Variants in MDN1 observed in about 807,000 individuals in gnomAD.
MDN1 encodes the protein midasin.
A neutral mutation model predicts 669.2 loss-of-function variants in MDN1; 266 were observed. The observed-to-expected ratio is 0.40, with a 90% CI of 0.36 to 0.44. The LOEUF (loss-of-function observed/expected upper bound fraction) is 0.44. MDN1 is among the 20% of genes least tolerant of loss of function. The pLI is 1.00. For synonymous variants in MDN1, 2,385 were observed against 2,457.1 expected (o/e 0.97, Z 0.87); for missense variants, 5,940 against 6,754.0 (o/e 0.88, Z 4.22).
intron 7 of MDN1, among the ~76,000 whole-genome samples, chr6:89,788,547 A>G (rs1201915709): frequency 6.6e-6 from 1 of 152,226 alleles, no homozygotes; most frequent in Non-Finnish European, 1.5e-5. Flanking sequence ...AATGTGCAGT[A>G]AGAAGCAGCA....
Position 89,648,151 on chromosome 6 carries a change from G to C in MDN1, c.16281-5C>G, listed in dbSNP as rs751404164. On this transcript the variant is annotated splice_polypyrimidine_tract_variant and splice_region_variant and intron_variant, in intron 98 of 101. Transcript: ENST00000369393. ...AGCTTTACAGATTCTCCAAAACTTG[G>C]GGGAGGAAAACCAAATACAACAGGA... is the stretch of plus-strand genomic sequence containing the variant. The C allele has an allele frequency of 3.1e-6, 5 of 1,612,750 alleles. No individual in the cohort carries two copies. The highest frequency in any genetic ancestry group is 4.2e-6 in the Non-Finnish European group (5 of 1,178,792).
chr6:89,654,182 C>T lies in MDN1; in HGVS notation c.15643G>A (p.Gly5215Ser), dbSNP rs1386548365. The stretch of plus-strand genomic sequence containing the variant: ...GACTCACCCAAGGGTGCTGTGGTGC[C>T]CGACTTGATTTCCTCTGGCTTCAGC... The part of the protein sequence containing the change: ...EQLKPEEIKS[G>S]TTAPLGFDEM... The change falls in exon 93 of 102, where the codon GGC becomes AGC. Residue 5215 changes from glycine to serine, a missense_variant. This residue lies in a region of MDN1 where 2,280 missense variants were observed against 2,576.3 expected (regional missense o/e 0.88). Transcript: ENST00000369393. The T allele has an allele frequency of 6.2e-7, 1 of 1,614,056 alleles. No individual in the cohort carries two copies. The highest frequency in any genetic ancestry group is 1.7e-5 in the Admixed American group (1 of 60,002).
chr6:89,697,413 G>A (rs1812839929), intron 59 of MDN1, among the ~76,000 whole-genome samples: 1 of 152,090 alleles, frequency 6.6e-6, no homozygotes, highest in Non-Finnish European at 1.5e-5. Context: ...ATAAGTAGAA[G>A]GGACTGGCAT....
Position 89,745,672 on chromosome 6 carries a change from T to C in MDN1, c.3905-46A>G, listed in dbSNP as rs192780357. Reference sequence around the variant, plus strand: ...AGGAGGAGAGGAATCATCAAGTGTCTACCGGGAACACCAAGGGATATGGAG... The same window carrying C: ...AGGAGGAGAGGAATCATCAAGTGTCCACCGGGAACACCAAGGGATATGGAG... On this transcript the variant is annotated intron_variant, in intron 27 of 101. Transcript: ENST00000369393. 1.6e-4 allele frequency: 247 copies of C among 1,569,492 alleles called. 2 individuals carry two copies. The African/African-American group carries it at 2.7e-3, about 17-fold the overall frequency.
rs1038291856 is a variant in MDN1, at chr6:89,694,518, T to C, written c.9772-335A>G. ...CCTGAACTTGGTTCAAAACTTCAAATAGCAAGGGATACCACATTACCCAAA... is the reference window on the plus strand; with the variant it reads ...CCTGAACTTGGTTCAAAACTTCAAACAGCAAGGGATACCACATTACCCAAA... On this transcript the variant is annotated intron_variant, in intron 61 of 101. Coordinates refer to ENST00000369393, the MANE Select transcript of MDN1 (RefSeq NM_014611.3). 3.3e-5 allele frequency among the ~76,000 whole-genome samples: 5 copies of C among 152,192 alleles called. No individual in the cohort carries two copies. In the East Asian group the frequency reaches 9.6e-4, roughly 29 times the overall value.
chr6:89,699,340 G>A lies in MDN1; in HGVS notation c.8997+261C>T, dbSNP rs969360127. Among the ~76,000 whole-genome samples, 3 of 152,040 alleles carry A rather than the reference G, an allele frequency of 2.0e-5. No homozygotes were observed. The East Asian group carries it at 5.8e-4, about 29-fold the overall frequency. ...TCTCACAATATATTTTTGAGCAATT[G>A]GGAGATTTTAAGCAGCAAATATTTT... On this transcript the variant is annotated intron_variant, in intron 58 of 101. Transcript: ENST00000369393.
Position 89,794,749 on chromosome 6 carries a change from G to C in MDN1, c.382C>G (p.Leu128Val). 6.2e-7 allele frequency: 1 copy of C among 1,614,150 alleles called. No individual in the cohort carries two copies. Among genetic ancestry groups the C allele is most frequent in the Non-Finnish European group, 8.5e-7 (1 of 1,180,030 alleles). Residue 128 changes from leucine (L) to valine (V), a missense_variant, in exon 3 of 102, where the codon CTA becomes GTA. Leu to Val is a conservative substitution (Grantham distance 32). This residue lies in a region of MDN1 where 1,203 missense variants were observed against 1,268.9 expected (regional missense o/e 0.95). Coordinates refer to ENST00000369393, the MANE Select transcript of MDN1 (RefSeq NM_014611.3). ...DTSPVFQRLF[L>V]ESSDANPVRY... ...ACTGGATTAGCATCTGAACTCTCTA[G>C]GAAAAGTCTTTGAAAGACTGGGGAT...
chr6:89,767,891 A>T (rs1224192787), intron 15 of MDN1, among the ~76,000 whole-genome samples: 1 of 151,902 alleles, frequency 6.6e-6, no homozygotes, highest in African/African-American at 2.4e-5. Context: ...TTCAAAAAAA[A>T]TTAGCTGGGT....
At chr6:89,726,980 T>C (rs1007199845) in intron 37 of MDN1, among the ~76,000 whole-genome samples, 5 of 152,178 alleles carry the variant, frequency 3.3e-5, no homozygotes, top group Admixed American at 3.3e-4. Flanking sequence ...CCACTAAATA[T>C]GCAATTCCAC....
At position 89,677,111 on chromosome 6, in the gene MDN1, T is replaced by C. The variant is rs542214278; in HGVS notation, c.12539+459A>G. 4.6e-5 allele frequency among the ~76,000 whole-genome samples: 7 copies of C among 152,152 alleles called. No individual in the cohort carries two copies. The South Asian group carries it at 1.2e-3, about 27-fold the overall frequency. ...AATAAATGTTTTTTTTCTTTTTTTT[T>C]GACAGAGTCTTACTTTGCCGCCCAG... On this transcript the variant is annotated intron_variant, in intron 76 of 101. Transcript: ENST00000369393.
intron 92 of MDN1, 134 bp from the exon 93 acceptor site, chr6:89,654,468 G>A (rs2128299232): frequency 2.6e-6 from 3 of 1,139,980 alleles, no homozygotes; most frequent in Non-Finnish European, 3.8e-6. Context: ...GACCAGCTAT[G>A]TGGCTTGGAG....
intron 22 of MDN1, among the ~76,000 whole-genome samples, chr6:89,751,790 T>C (rs1816971288): frequency 6.6e-6 from 1 of 152,074 alleles, no homozygotes; most frequent in Non-Finnish European, 1.5e-5. Flanking sequence ...GTGGAGTAGG[T>C]GGGTTTGGAA....
intron 19 of MDN1, among the ~76,000 whole-genome samples, chr6:89,756,850 G>C (rs1027747551): frequency 6.6e-6 from 1 of 151,880 alleles, no homozygotes. Flanking sequence ...GAACCCAGGA[G>C]GCAGAGCCTG....
chr6:89,659,579 A>C (rs1809567977), intron 88 of MDN1, among the ~76,000 whole-genome samples: 2 of 152,232 alleles, frequency 1.3e-5, no homozygotes, highest in Non-Finnish European at 2.9e-5. Context: ...AACCATACTC[A>C]TACATACAGT....
intron 77 of MDN1, chr6:89,675,893 G>C: frequency 1.8e-6 from 1 of 547,966 alleles, no homozygotes; most frequent in Non-Finnish European, 3.2e-6. Context: ...AATCTGTCCT[G>C]CTGGCAAGTG....
chr6:89,673,989 G>C, intron 79 of MDN1, 115 bp downstream of exon 79: 5 of 1,260,002 alleles, frequency 4.0e-6, no homozygotes, highest in Non-Finnish European at 5.4e-6. Context: ...TAGGTTCCAG[G>C]GCTGTCTAAA....
At chr6:89,785,442 T>G (rs1818905956) in intron 8 of MDN1, among the ~76,000 whole-genome samples, 1 of 152,214 alleles carries the variant, frequency 6.6e-6, no homozygotes, top group South Asian at 2.1e-4. Context: ...CATAAATAAC[T>G]TCAGGAAAGA....
intron 1 of MDN1, among the ~76,000 whole-genome samples, chr6:89,809,993 T>TAAAAAAAAA (rs61558155): frequency 3.8e-5 from 2 of 52,830 alleles, no homozygotes; most frequent in African/African-American, 7.8e-5. Context: ...TCCGTTTCAC[T>TAAAAAAAAA]AAAAAAAAAA....
Position 89,658,223 on chromosome 6 carries a change from C to T in MDN1, c.15169G>A (p.Glu5057Lys). Residue 5057 changes from glutamate to lysine, a missense_variant, in exon 90 of 102, where the codon GAG becomes AAG. Glu to Lys is a moderately conservative substitution (Grantham distance 56). Coordinates refer to ENST00000369393, the MANE Select transcript of MDN1 (RefSeq NM_014611.3). ...CCACTGATCACCTCTTTCCCCTGCT[C>T]CTTCTCAGGTGCGGCCCCAGCCAGC... ...MELAGAAPEK[E>K]QGKEEHGSGA... 1 of 1,614,200 alleles carries T rather than the reference C, an allele frequency of 6.2e-7. No individual in the cohort carries two copies. Among genetic ancestry groups the T allele is most frequent in the Non-Finnish European group, 8.5e-7 (1 of 1,180,050 alleles).
Sources: gnomAD v4.1 joint callset for allele counts (sites outside exome capture counted in the v4.1 genomes callset) on GRCh38, gnomAD v4.1.1 for gene constraint, gnomAD v4.1.1 regional missense constraint, MANE v1.5 for transcripts, NCBI Gene and HGNC (gene_info 2026-07-23, HGNC 2026-07-21) for gene names.